The following NOS2 variants were observed in gnomAD, a reference collection of about 807,000 sequenced individuals.
NOS2 encodes nitric oxide synthase, inducible.
A neutral mutation model predicts 136.0 loss-of-function variants in NOS2; 96 were observed. The ratio of observed to expected loss-of-function variants is 0.71; its 90% confidence interval spans 0.60 to 0.84. The LOEUF (loss-of-function observed/expected upper bound fraction) is 0.84, where lower values mean the gene tolerates loss of function less well. Among genes scored for constraint, NOS2 ranks in the 40% least tolerant of loss-of-function variants. The pLI, the probability that NOS2 is intolerant of heterozygous loss-of-function variation, is 0.00. For missense variants in NOS2, 1,237 were observed against 1,496.9 expected (o/e 0.83, Z 2.87); for synonymous variants, 539 against 587.5 (o/e 0.92, Z 1.20).
chr17:27,770,265 A>C (rs1055000871), intron 15 of NOS2, among the ~76,000 whole-genome samples: 1 of 152,114 alleles, frequency 6.6e-6, no homozygotes, highest in African/African-American at 2.4e-5. Context: ...GGATCACCTG[A>C]GGTTGGGAGT....
At chr17:27,792,625 A>C (rs1192168113) in intron 2 of NOS2, among the ~76,000 whole-genome samples, 1 of 151,924 alleles carries the variant, frequency 6.6e-6, no homozygotes, top group African/African-American at 2.4e-5. Flanking sequence ...ACGCTCGTGC[A>C]ATTTGACTAA....
At position 27,787,692 on chromosome 17, in the gene NOS2, G is replaced by GT. The variant is rs1461774674; in HGVS notation, c.452dup (p.Tyr151Ter). 9.9e-6 allele frequency: 16 copies of GT among 1,612,636 alleles called. No homozygotes were observed. Among genetic ancestry groups the GT allele is most frequent in the Non-Finnish European group, 1.4e-5 (16 of 1,179,446 alleles). Residue 151 changes from tyrosine (Y) to a stop codon, truncating the protein, a stop_gained and frameshift_variant, in exon 5 of 27, where the codon TAC becomes TAAC. Transcript: ENST00000313735. LOFTEE classifies it high-confidence loss of function. ...GCAAGCCTTACTCTTTGAAGGAGCC[G>GT]TAATATTGGTTGACAAATTCGATAG... ...PQAIEFVNQY[Y>*]GSFKEAKIEE...
chr17:27,757,203 C>G lies in NOS2; in HGVS notation c.*43G>C, dbSNP rs568295863. The stretch of plus-strand genomic sequence containing the variant: ...TCAGATAATGCAGAGCTGGCTCCAT[C>G]CTTAAGTTCTGTGCCGGCAGCTTTA... On this transcript the variant is annotated 3_prime_UTR_variant, in exon 27 of 27. Transcript: ENST00000313735. 4.5e-5 allele frequency: 68 copies of G among 1,516,774 alleles called. No individual in the cohort carries two copies. The South Asian group carries it at 5.2e-4, about 12-fold the overall frequency. The allele number at this position is 1,516,774 out of a possible 1,614,324, so 94.0% of individuals were successfully genotyped here.
intron 2 of NOS2, chr17:27,793,747 G>T: frequency 2.6e-6 from 1 of 389,468 alleles, no homozygotes. Flanking sequence ...CCCAGCGCCC[G>T]CGCTTTATCG....
At chr17:27,784,194 T>G in intron 5 of NOS2, among the ~76,000 whole-genome samples, 1 of 141,842 alleles carries the variant, frequency 7.1e-6, no homozygotes. Context: ...AACCTTGAGA[T>G]TTCCAGTCAG....
At position 27,765,717 on chromosome 17, in the gene NOS2, C is replaced by A; in HGVS notation, c.2247-1G>T. 1 of 1,596,516 alleles carries A rather than the reference C, an allele frequency of 6.3e-7. No homozygotes were observed. Among genetic ancestry groups the A allele is most frequent in the Non-Finnish European group, 8.5e-7 (1 of 1,171,534 alleles). ...GAGTTCCACCAGGATGGTGGCACGG[C>A]TGGGGAAGGAAAATGAAGCCTCAGG... is the stretch of plus-strand genomic sequence containing the variant. On this transcript the variant is annotated splice_acceptor_variant, in intron 19 of 26. Coordinates refer to ENST00000313735, the MANE Select transcript of NOS2 (RefSeq NM_000625.4). LOFTEE classifies it high-confidence loss of function.
rs550510947 is a variant in NOS2, at chr17:27,798,533, A to G, written c.110+167T>C. On this transcript the variant is annotated intron_variant, in intron 2 of 26. Coordinates refer to ENST00000313735, the MANE Select transcript of NOS2 (RefSeq NM_000625.4). ...ACCGTCAGGCACAGCGAGGTGCCCA[A>G]TAATCAGCGGCTGCATTGAATTCCA... is the stretch of plus-strand genomic sequence containing the variant. Among the ~76,000 whole-genome samples, 22 of 152,336 alleles carry G rather than the reference A, an allele frequency of 1.4e-4. No homozygotes were observed. In the South Asian group the frequency reaches 4.6e-3, roughly 32 times the overall value.
At chr17:27,763,077 G>A in intron 21 of NOS2, 72 bp from the exon 22 acceptor site, 1 of 996,518 alleles carries the variant, frequency 1.0e-6, no homozygotes, top group Non-Finnish European at 1.5e-6. Context: ...TCACAACCCA[G>A]TATTCATTCA....
chr17:27,775,035 G>C (rs981670844), intron 11 of NOS2, among the ~76,000 whole-genome samples: 1 of 152,246 alleles, frequency 6.6e-6, no homozygotes, highest in Non-Finnish European at 1.5e-5. Flanking sequence ...TGGCCTCTAT[G>C]TCTGTGGCAA....
rs148763708 is a variant in NOS2, at chr17:27,787,774, C to G, written c.371G>C (p.Ser124Thr). 3.1e-6 allele frequency: 5 copies of G among 1,613,516 alleles called. No homozygotes were observed. Among genetic ancestry groups the G allele is most frequent in the Non-Finnish European group, 4.2e-6 (5 of 1,179,754 alleles). The part of the protein sequence containing the change: ...SCLGSIMTPK[S>T]LTRGPRDKPT... ...CTTGTCCCTGGGTCCTCTGGTCAAA[C>G]TTTTGGGAGTCATAATGGACCCCAG... The change falls in exon 5 of 27, where the codon AGT (serine) becomes ACT (threonine). Residue 124 changes from serine to threonine, a missense_variant. Ser to Thr is a moderately conservative substitution (Grantham distance 58, BLOSUM62 1). Transcript: ENST00000313735.
At position 27,791,780 on chromosome 17, in the gene NOS2, AAC is replaced by A. The variant is rs202070381; in HGVS notation, c.111-2094_111-2093del. On this transcript the variant is annotated intron_variant, in intron 2 of 26. Transcript: ENST00000313735. ...GGTGTGGCCTGCCAGAAAAAAACAA[AAC>A]AAAACAAAACAAAACAAAACAAAAA... 1.5e-3 allele frequency among the ~76,000 whole-genome samples: 192 copies of A among 124,286 alleles called. 15 individuals are homozygous for A. The highest frequency in any genetic ancestry group is 2.5e-3 in the African/African-American group (91 of 36,000). The allele number at this position is 124,286 out of a possible 152,430, so 81.5% of individuals were successfully genotyped here. A position where few individuals can be genotyped will look rare whatever the true frequency, so the allele number is the denominator to read the frequency against.
chr17:27,770,250 C>T (rs1162062796), intron 15 of NOS2, among the ~76,000 whole-genome samples: 3 of 152,084 alleles, frequency 2.0e-5, no homozygotes, highest in Admixed American at 6.5e-5. Flanking sequence ...GAGGCTGAGG[C>T]GGGCGGATCA....
In NOS2 at chr17:27,765,657, G is replaced by A. The variant is rs375448100; in HGVS notation, c.2306C>T (p.Pro769Leu). The A allele has an allele frequency of 9.9e-6, 16 of 1,613,370 alleles. No individual in the cohort carries two copies. The highest frequency in any genetic ancestry group is 6.7e-5 in the African/African-American group (5 of 74,950). Residue 769 changes from proline (P) to leucine (L), a missense_variant, in exon 20 of 27, where the codon CCG becomes CTG. This residue lies in a region of NOS2 where 782 missense variants were observed against 909.9 expected (regional missense o/e 0.86). Transcript: ENST00000313735. Reference protein sequence around the residue: ...CEDGQGLNYLPGEHLGVCPGN... With the variant: ...CEDGQGLNYLLGEHLGVCPGN... ...TGGGCAAACCCCAAGGTGCTCCCCC[G>A]GCAGGTAGTTCAGGCCTTGGCCATC... is the stretch of plus-strand genomic sequence containing the variant.
chr17:27,792,463 T>A (rs554350682), intron 2 of NOS2, among the ~76,000 whole-genome samples: 1 of 152,338 alleles, frequency 6.6e-6, no homozygotes, highest in Non-Finnish European at 1.5e-5. Context: ...GAAAAATGAA[T>A]AAACAAAGTT....
chr17:27,790,384 G>A (rs1382762426), intron 2 of NOS2, among the ~76,000 whole-genome samples: 3 of 152,142 alleles, frequency 2.0e-5, no homozygotes, highest in East Asian at 1.9e-4. Flanking sequence ...AGGAGCCACC[G>A]CGCCCAGCCC....
Position 27,769,008 on chromosome 17 carries a change from G to T in NOS2, c.2003C>A (p.Ala668Asp). Reference protein sequence around the residue: ...EGDELSGQEDAFRSWAVQTFK... With the variant: ...EGDELSGQEDDFRSWAVQTFK... ...GGTTTGCACGGCCCAGCTGCGGAAGGCGTCCTCCTGCCCACTGAGCTCATC... is the reference window on the plus strand; with the variant it reads ...GGTTTGCACGGCCCAGCTGCGGAAGTCGTCCTCCTGCCCACTGAGCTCATC... Residue 668 changes from alanine (A) to aspartate (D), a missense_variant, in exon 17 of 27, where the codon GCC becomes GAC. Physicochemically the swap from Ala to Asp is moderately radical, Grantham distance 126 (BLOSUM62 -2). Coordinates refer to ENST00000313735, the MANE Select transcript of NOS2 (RefSeq NM_000625.4). 6.2e-7 allele frequency: 1 copy of T among 1,611,256 alleles called. No individual in the cohort carries two copies. Among genetic ancestry groups the T allele is most frequent in the East Asian group, 2.2e-5 (1 of 44,850 alleles).
intron 3 of NOS2, among the ~76,000 whole-genome samples, 198 bp from the exon 4 acceptor site, chr17:27,789,129 TC>T (rs950766613): frequency 5.9e-5 from 9 of 151,962 alleles, no homozygotes; most frequent in Non-Finnish European, 1.2e-4. Flanking sequence ...CTGGCCAGGG[TC>T]CTCTCCTCAC....
intron 2 of NOS2, among the ~76,000 whole-genome samples, chr17:27,795,441 A>G (rs1354387425): frequency 6.6e-6 from 1 of 152,232 alleles, no homozygotes; most frequent in African/African-American, 2.4e-5. Context: ...GCAGTGGTGT[A>G]TGTAAGTAAT....
intron 6 of NOS2, among the ~76,000 whole-genome samples, chr17:27,782,453 C>G (rs1051277022): frequency 2.8e-4 from 43 of 152,180 alleles, no homozygotes; most frequent in African/African-American, 9.9e-4. Flanking sequence ...TTTCCCACAC[C>G]AGCACATACT....
Sources: gnomAD v4.1 joint callset for allele counts (sites outside exome capture counted in the v4.1 genomes callset) on GRCh38, gnomAD v4.1.1 for gene constraint, gnomAD v4.1.1 regional missense constraint, MANE v1.5 for transcripts, NCBI Gene and HGNC (gene_info 2026-07-23, HGNC 2026-07-21) for gene names.